MARK3: variants seen among roughly 807,000 people sequenced by gnomAD.
MARK3 encodes the protein microtubule affinity regulating kinase 3, also known as MAP/microtubule affinity-regulating kinase 3.
In MARK3, 46 loss-of-function variants were observed where a neutral mutation model predicts 90.1. The ratio of observed to expected loss-of-function variants is 0.51; its 90% CI spans 0.40 to 0.65. The LOEUF is 0.65. Ranked by LOEUF, MARK3 falls within the 30% of genes least tolerant of loss-of-function variation. MARK3 has a pLI of 0.00. For missense variants in MARK3, 818 were observed against 947.2 expected, an observed-to-expected ratio of 0.86 and a Z score of 1.79; for synonymous variants, 321 against 332.6, an observed-to-expected ratio of 0.97 and a Z score of 0.38.
chr14:103,403,486 T>C (rs2091095695), intron 1 of MARK3, among the ~76,000 whole-genome samples: 1 of 152,198 alleles, frequency 6.6e-6, no homozygotes, highest in East Asian at 1.9e-4. Flanking sequence ...TATCATTTAT[T>C]CAGCCATTCT....
chr14:103,502,543 T>G (rs1472234372), intron 17 of MARK3, among the ~76,000 whole-genome samples: 1 of 152,250 alleles, frequency 6.6e-6, no homozygotes. Flanking sequence ...TTCCCTGAGC[T>G]GGGCCTGCAG....
chr14:103,451,196 G>A (rs1256208308), intron 4 of MARK3, among the ~76,000 whole-genome samples: 1 of 151,920 alleles, frequency 6.6e-6, no homozygotes, highest in Non-Finnish European at 1.5e-5. Flanking sequence ...GCCTCCCAAA[G>A]TGCTGGGATT....
chr14:103,493,535 G>A (rs1286560879), intron 15 of MARK3, among the ~76,000 whole-genome samples: 7 of 152,120 alleles, frequency 4.6e-5, no homozygotes, highest in Non-Finnish European at 1.5e-5. Flanking sequence ...CAGCAAGAGA[G>A]ACAGTGAGTT....
Position 103,503,127 on chromosome 14 carries a change from C to T in MARK3, c.2162C>T (p.Pro721Leu), listed in dbSNP as rs1169480899. 3 of 1,614,072 alleles carry T rather than the reference C, an allele frequency of 1.9e-6. No homozygotes were observed. The highest frequency in any genetic ancestry group is 1.3e-5 in the African/African-American group (1 of 74,918). ...TGGGAAATGGAAGTGTGCAAGCTGC[C>T]AAGACTGTCTCTGAACGGGGTCCGG... Reference protein sequence around the residue: ...VQWEMEVCKLPRLSLNGVRFK... With the variant: ...VQWEMEVCKLLRLSLNGVRFK... Residue 721 changes from proline to leucine, a missense_variant, in exon 18 of 18, where the codon CCA becomes CTA. Coordinates refer to ENST00000429436, the MANE Select transcript of MARK3 (RefSeq NM_001128918.3).
chr14:103,399,926 C>T (rs2090847548), intron 1 of MARK3, among the ~76,000 whole-genome samples: 1 of 61,928 alleles, frequency 1.6e-5, no homozygotes, highest in South Asian at 7.8e-4. Flanking sequence ...CTGTCCTTAC[C>T]CCCCCACCCT....
At chr14:103,485,252 C>CTTTTTTT (rs36010258) in intron 14 of MARK3, among the ~76,000 whole-genome samples, 5 of 83,588 alleles carry the variant, frequency 6.0e-5, no homozygotes, top group African/African-American at 5.0e-5. Flanking sequence ...AAAAAGGCTG[C>CTTTTTTT]TTTTTTTTTT....
intron 3 of MARK3, among the ~76,000 whole-genome samples, chr14:103,440,333 T>G (rs1171829160): frequency 6.6e-6 from 1 of 152,230 alleles, no homozygotes; most frequent in Non-Finnish European, 1.5e-5. Context: ...TTAGAATTCT[T>G]GTATCACAGA....
At position 103,503,001 on chromosome 14, in the gene MARK3, T is replaced by A. The variant is rs757376765; in HGVS notation, c.2036T>A (p.Ile679Asn). 6.2e-7 allele frequency: 1 copy of A among 1,614,120 alleles called. No homozygotes were observed. The highest frequency in any genetic ancestry group is 8.5e-7 in the Non-Finnish European group (1 of 1,180,020). ...GATCCCGGGGACATGATGCGGGAAA[T>A]CCGCAAAGTGTTGGACGCCAATAAC... ...SMDPGDMMRE[I>N]RKVLDANNCD... The change falls in exon 18 of 18, where the codon ATC becomes AAC. Residue 679 changes from isoleucine (I) to asparagine (N), a missense_variant. By Grantham distance (149) the Ile-to-Asn change is moderately radical. Coordinates refer to ENST00000429436, the MANE Select transcript of MARK3 (RefSeq NM_001128918.3).
chr14:103,492,146 C>T, intron 15 of MARK3, 112 bp downstream of exon 15: 1 of 1,248,316 alleles, frequency 8.0e-7, no homozygotes, highest in East Asian at 2.5e-5. Context: ...CTGCCTTCAG[C>T]TCATGGTTTT....
intron 3 of MARK3, among the ~76,000 whole-genome samples, chr14:103,432,850 T>C (rs1478672258): frequency 1.3e-5 from 2 of 152,014 alleles, no homozygotes; most frequent in Admixed American, 6.6e-5. Flanking sequence ...AGCAAGACCC[T>C]GTCTCAAAAA....
At chr14:103,386,550 T>C (rs2089818446) in intron 1 of MARK3, among the ~76,000 whole-genome samples, 1 of 152,242 alleles carries the variant, frequency 6.6e-6, no homozygotes, top group South Asian at 2.1e-4. Context: ...TTCTTTAAGA[T>C]GGTCTGGAAC....
chr14:103,389,477 G>A (rs1364723333), intron 1 of MARK3, among the ~76,000 whole-genome samples: 2 of 120,502 alleles, frequency 1.7e-5, no homozygotes, highest in Non-Finnish European at 3.2e-5. Flanking sequence ...GCAGTGAGCC[G>A]ATATCATGCC....
At chr14:103,431,124 G>A (rs1232355112) in intron 3 of MARK3, among the ~76,000 whole-genome samples, 1 of 152,132 alleles carries the variant, frequency 6.6e-6, no homozygotes, top group Non-Finnish European at 1.5e-5. Context: ...GTCTCGCTCT[G>A]TTGCCCAGGC....
chr14:103,492,077 C>A (rs1566938424), intron 15 of MARK3, 43 bp downstream of exon 15: 2 of 1,589,784 alleles, frequency 1.3e-6, no homozygotes, highest in South Asian at 2.3e-5. Context: ...ACACATAGAG[C>A]AAAAGGAAAG....
At chr14:103,449,519 T>C (rs532986740) in intron 4 of MARK3, among the ~76,000 whole-genome samples, 1 of 152,208 alleles carries the variant, frequency 6.6e-6, no homozygotes, top group Admixed American at 6.5e-5. Context: ...AAAATACTTA[T>C]TTGAAAGATG....
chr14:103,493,586 C>T (rs1247881150), intron 15 of MARK3, among the ~76,000 whole-genome samples: 1 of 152,042 alleles, frequency 6.6e-6, no homozygotes, highest in East Asian at 1.9e-4. Flanking sequence ...ATAAACCATT[C>T]CTTCCTGGCC....
intron 3 of MARK3, among the ~76,000 whole-genome samples, chr14:103,444,292 A>G (rs182357003): frequency 3.3e-5 from 5 of 152,142 alleles, no homozygotes; most frequent in East Asian, 1.9e-4. Context: ...TTTGCCTTCA[A>G]AGGTATTTAT....
intron 2 of MARK3, among the ~76,000 whole-genome samples, chr14:103,425,200 A>G (rs1278522477): frequency 6.6e-6 from 1 of 151,096 alleles, no homozygotes; most frequent in Admixed American, 6.6e-5. Context: ...TTGGCCTCCC[A>G]AAGTGCTGAG....
chr14:103,455,531 A>G (rs2093256453), intron 5 of MARK3, among the ~76,000 whole-genome samples: 1 of 152,156 alleles, frequency 6.6e-6, no homozygotes. Context: ...GTTCGAGACC[A>G]GCCTGGCCAA....
Sources: gnomAD v4.1 joint callset for allele counts (sites outside exome capture counted in the v4.1 genomes callset) on GRCh38, gnomAD v4.1.1 for gene constraint, MANE v1.5 for transcripts, NCBI Gene and HGNC (gene_info 2026-07-23, HGNC 2026-07-21) for gene names.